The following MED13L variants were observed in gnomAD, a reference collection of about 807,000 sequenced individuals.
The protein encoded by MED13L is mediator of RNA polymerase II transcription subunit 13-like.
MED13L carries 7 observed loss-of-function variants against 220.9 expected under a neutral mutation model. That is an observed-to-expected ratio of 0.03 (90% CI 0.02 to 0.06). The LOEUF (loss-of-function observed/expected upper bound fraction) is 0.06. MED13L is among the 10% of genes least tolerant of loss of function. The pLI, the probability that MED13L is intolerant of heterozygous loss-of-function variation, is 1.00. For missense variants in MED13L, 1,965 were observed against 2,760.5 expected, an observed-to-expected ratio of 0.71 and a Z score of 6.46; for synonymous variants, 1,011 against 1,015.2, an observed-to-expected ratio of 1.00 and a Z score of 0.08.
At chr12:116,207,589 G>C (rs1882425519) in intron 2 of MED13L, among the ~76,000 whole-genome samples, 1 of 152,106 alleles carries the variant, frequency 6.6e-6, no homozygotes, top group South Asian at 2.1e-4. Context: ...TGGCAGTGTT[G>C]TTATTCTAAG....
intron 2 of MED13L, among the ~76,000 whole-genome samples, chr12:116,163,013 T>A (rs1879000197): frequency 1.3e-5 from 2 of 152,228 alleles, no homozygotes; most frequent in Non-Finnish European, 2.9e-5. Flanking sequence ...TAGCTGGGAC[T>A]ACAACTCAGG....
Position 115,972,175 on chromosome 12 carries a change from C to T in MED13L, c.5793G>A (p.Val1931=), listed in dbSNP as rs757295473. 2 of 1,614,042 alleles carry T rather than the reference C, an allele frequency of 1.2e-6. No individual in the cohort carries two copies. Among genetic ancestry groups the T allele is most frequent in the African/African-American group, 2.7e-5 (2 of 75,036 alleles). ...LQTISKKLKD[V]CRMCGISAAD... ...CGGCAGAGATTCCACACATCCGGCA[C>T]ACATCCTTGAGCTTTTTGCTGATTG... Residue 1931 remains valine (V), a synonymous_variant, in exon 26 of 31, where the codon GTG becomes GTA. Coordinates refer to ENST00000281928, the MANE Select transcript of MED13L (RefSeq NM_015335.5).
intron 19 of MED13L, 80 bp downstream of exon 19, chr12:115,986,186 T>C: frequency 1.4e-6 from 2 of 1,380,880 alleles, no homozygotes; most frequent in Non-Finnish European, 2.1e-6. Context: ...TTCAAGACAT[T>C]TGTCTTGAAA....
chr12:115,996,806 CA>C, intron 15 of MED13L, 125 bp from the exon 16 acceptor site: 1 of 1,074,118 alleles, frequency 9.3e-7, no homozygotes, highest in Non-Finnish European at 1.4e-6. Flanking sequence ...CTCCTATGAT[CA>C]TTAGAAAATG....
chr12:115,972,141 G>C lies in MED13L; in HGVS notation c.5827C>G (p.Pro1943Ala). ...ACCAGGCAGGCACTAAGGATAGAAG[G>C]AGAGTCTGCGGCAGAGATTCCACAC... Reference protein sequence around the residue: ...RMCGISAADSPSILSACLVAM... With the variant: ...RMCGISAADSASILSACLVAM... The change falls in exon 26 of 31, where the codon CCT (proline) becomes GCT (alanine). Residue 1943 changes from proline (P) to alanine (A), a missense_variant. This residue lies in a region of MED13L where 23 missense variants were observed against 20.4 expected (regional missense o/e 1.12). Transcript: ENST00000281928. 1 of 1,614,044 alleles carries C rather than the reference G, an allele frequency of 6.2e-7. No individual in the cohort carries two copies. Among genetic ancestry groups the C allele is most frequent in the Non-Finnish European group, 8.5e-7 (1 of 1,179,938 alleles).
intron 3 of MED13L, among the ~76,000 whole-genome samples, chr12:116,108,039 G>A (rs1165329026): frequency 2.0e-5 from 3 of 151,616 alleles, no homozygotes; most frequent in South Asian, 2.1e-4. Flanking sequence ...GCAGTGAGCC[G>A]AGATCGTGCC....
intron 1 of MED13L, among the ~76,000 whole-genome samples, chr12:116,251,382 G>T (rs1251019596): frequency 2.4e-5 from 3 of 124,678 alleles, no homozygotes; most frequent in Admixed American, 2.1e-4. Flanking sequence ...CGATGGTCTC[G>T]ATCTCCTGAC....
intron 13 of MED13L, among the ~76,000 whole-genome samples, chr12:116,003,850 C>T (rs1354068675): frequency 6.6e-6 from 1 of 152,126 alleles, no homozygotes; most frequent in Non-Finnish European, 1.5e-5. Context: ...CCAACAGCCT[C>T]CCAACTCCAT....
At chr12:116,048,830 A>G (rs575019678) in intron 4 of MED13L, among the ~76,000 whole-genome samples, 2 of 152,196 alleles carry the variant, frequency 1.3e-5, no homozygotes, top group African/African-American at 4.8e-5. Context: ...TTTTAAAATC[A>G]GTGTTTTTAA....
intron 2 of MED13L, among the ~76,000 whole-genome samples, chr12:116,165,212 T>C (rs1879161198): frequency 6.7e-6 from 1 of 150,064 alleles, no homozygotes; most frequent in African/African-American, 2.4e-5. Flanking sequence ...CCCTCTGAGG[T>C]TCTGTCCAAG....
At chr12:116,120,874 A>T (rs1875039108) in intron 2 of MED13L, among the ~76,000 whole-genome samples, 1 of 152,138 alleles carries the variant, frequency 6.6e-6, no homozygotes, top group Admixed American at 6.6e-5. Context: ...AATTTTCCTA[A>T]AATTTTGTTG....
intron 1 of MED13L, among the ~76,000 whole-genome samples, chr12:116,250,025 T>TAAAAAAAAAAAAAAAA (rs71095516): frequency 7.4e-5 from 3 of 40,466 alleles, no homozygotes; most frequent in African/African-American, 1.2e-4. Flanking sequence ...CAGCATAAAC[T>TAAAAAAAAAAAAAAAA]AAAAAAAAAA....
intron 2 of MED13L, among the ~76,000 whole-genome samples, chr12:116,197,251 G>A (rs1298180093): frequency 2.0e-5 from 3 of 152,082 alleles, no homozygotes; most frequent in Non-Finnish European, 4.4e-5. Context: ...TAACTAGCAC[G>A]GTTCAGTCAG....
In MED13L at chr12:116,015,154, A is replaced by C. The variant is rs779708855; in HGVS notation, c.1130T>G (p.Val377Gly). The C allele has an allele frequency of 6.2e-7, 1 of 1,613,836 alleles. No homozygotes were observed. The highest frequency in any genetic ancestry group is 1.1e-5 in the South Asian group (1 of 91,072). Residue 377 changes from valine to glycine, a missense_variant, in exon 8 of 31, where the codon GTC (valine) becomes GGC (glycine). Physicochemically the swap from Val to Gly is moderately radical, Grantham distance 109. Coordinates refer to ENST00000281928, the MANE Select transcript of MED13L (RefSeq NM_015335.5). Reference protein sequence around the residue: ...KIPPKLHNHMVHRVWKECILN... With the variant: ...KIPPKLHNHMGHRVWKECILN... Reference sequence around the variant, plus strand: ...GATGCATTCCTTCCAGACTCGATGGACCATATGATTGTGGAGTTTTGGAGG... The same window carrying C: ...GATGCATTCCTTCCAGACTCGATGGCCCATATGATTGTGGAGTTTTGGAGG...
intron 2 of MED13L, among the ~76,000 whole-genome samples, chr12:116,166,425 A>G (rs1879278426): frequency 1.3e-5 from 2 of 152,042 alleles, no homozygotes; most frequent in African/African-American, 4.8e-5. Flanking sequence ...AGCCATCTCT[A>G]CTAAAAATAC....
At chr12:116,137,794 T>C (rs1876689920) in intron 2 of MED13L, among the ~76,000 whole-genome samples, 2 of 152,168 alleles carry the variant, frequency 1.3e-5, no homozygotes, top group East Asian at 1.9e-4. Flanking sequence ...GTGTTGTACC[T>C]TGGAAACAGT....
intron 1 of MED13L, among the ~76,000 whole-genome samples, chr12:116,262,934 T>C (rs1872606785): frequency 6.6e-6 from 1 of 152,206 alleles, no homozygotes; most frequent in South Asian, 2.1e-4. Context: ...TTTGGGATCA[T>C]GAAACCTGAT....
chr12:116,136,063 C>T lies in MED13L; in HGVS notation c.311-24551G>A, dbSNP rs199692224. 7.2e-5 allele frequency among the ~76,000 whole-genome samples: 11 copies of T among 152,152 alleles called. No individual in the cohort carries two copies. In the East Asian group the frequency reaches 1.7e-3, roughly 24 times the overall value. On this transcript the variant is annotated intron_variant, in intron 2 of 30. Coordinates refer to ENST00000281928, the MANE Select transcript of MED13L (RefSeq NM_015335.5). ...GATTACAGGCACCCGCCACCATGCC[C>T]GGCTAATTTTTGTATTTTTAGTAGA...
At chr12:116,007,801 A>G in intron 10 of MED13L, 165 bp from the exon 11 acceptor site, 1 of 656,878 alleles carries the variant, frequency 1.5e-6, no homozygotes, top group Non-Finnish European at 2.6e-6. Flanking sequence ...TCAAGAATAT[A>G]TGTTTTTGTC....
Sources: allele counts gnomAD v4.1 joint callset (sites outside exome capture counted in the v4.1 genomes callset), GRCh38; gene constraint gnomAD v4.1.1; regional missense constraint gnomAD v4.1.1; transcripts MANE v1.5; gene names NCBI Gene and HGNC (gene_info 2026-07-23, HGNC 2026-07-21).